Variants in DAB1 observed in about 807,000 individuals in gnomAD.
DAB1 encodes the protein DAB adaptor protein 1.
Under a neutral mutation model 64.6 loss-of-function variants are expected in DAB1, and 15 were observed. The ratio of observed to expected loss-of-function variants is 0.23; its 90% CI spans 0.16 to 0.36. The LOEUF is 0.36. Ranked by LOEUF, DAB1 falls within the 10% of genes least tolerant of loss-of-function variation. The probability of loss-of-function intolerance (pLI) is 1.00; values close to 1 mark genes in which losing one functional copy is unlikely to be tolerated. For synonymous variants in DAB1, 235 were observed against 251.9 expected (o/e 0.93, Z 0.64); for missense variants, 596 against 706.7 (o/e 0.84, Z 1.78).
intron 6 of DAB1, among the ~76,000 whole-genome samples, chr1:57,780,298 TC>T (rs1650003308): frequency 6.6e-6 from 1 of 152,124 alleles, no homozygotes; most frequent in Non-Finnish European, 1.5e-5. Flanking sequence ...TATAAAGTTA[TC>T]CTCAGGAGAT....
intron 2 of DAB1, among the ~76,000 whole-genome samples, chr1:57,225,479 C>T (rs1667192859): frequency 6.6e-6 from 1 of 152,186 alleles, no homozygotes; most frequent in African/African-American, 2.4e-5. Context: ...ACCACCCACC[C>T]ATGCCACCAA....
At chr1:58,294,128 C>T (rs1006708647) in intron 4 of DAB1, among the ~76,000 whole-genome samples, 4 of 152,032 alleles carry the variant, frequency 2.6e-5, no homozygotes, top group South Asian at 2.1e-4. Context: ...CTCAAGCAAC[C>T]GACAGCTTCC....
At chr1:57,469,255 A>G (rs1388161761) in intron 7 of DAB1, among the ~76,000 whole-genome samples, 1 of 152,212 alleles carries the variant, frequency 6.6e-6, no homozygotes, top group Non-Finnish European at 1.5e-5. Flanking sequence ...TAAGGAAACA[A>G]TTAACATATG....
intron 1 of DAB1, among the ~76,000 whole-genome samples, chr1:57,391,318 T>A (rs1349564392): frequency 1.3e-5 from 2 of 152,198 alleles, no homozygotes; most frequent in Admixed American, 1.3e-4. Flanking sequence ...CATCTGTTAC[T>A]TCTTCATGAT....
At chr1:57,322,280 A>G (rs1675787380) in intron 1 of DAB1, among the ~76,000 whole-genome samples, 2 of 152,184 alleles carry the variant, frequency 1.3e-5, no homozygotes, top group African/African-American at 4.8e-5. Context: ...AGTACAAATA[A>G]ACTTTGCACT....
chr1:57,354,553 G>A (rs896603305), intron 1 of DAB1, among the ~76,000 whole-genome samples: 5 of 152,052 alleles, frequency 3.3e-5, no homozygotes, highest in South Asian at 2.1e-4. Flanking sequence ...TAGGATGTAC[G>A]CTATACACTT....
At chr1:57,905,687 G>C (rs1644539834) in intron 5 of DAB1, among the ~76,000 whole-genome samples, 1 of 152,170 alleles carries the variant, frequency 6.6e-6, no homozygotes, top group African/African-American at 2.4e-5. Context: ...CCACCATGAA[G>C]TGAGTGTAGG....
chr1:58,300,808 A>C lies in DAB1; in HGVS notation n.309+42544T>G, dbSNP rs960507731. ...AGAACCAATGCATACAGTTCTGCAC[A>C]TTGTGCTGTGTGCTGAGTGGGGGCA... On this transcript the variant is annotated intron_variant and non_coding_transcript_variant, in intron 4 of 20. Coordinates refer to the DAB1 transcript ENST00000485760. 1.2e-4 allele frequency among the ~76,000 whole-genome samples: 18 copies of C among 152,188 alleles called. 1 individual carries two copies. The South Asian group carries it at 2.3e-3, about 19-fold the overall frequency.
intron 6 of DAB1, among the ~76,000 whole-genome samples, chr1:57,764,612 T>G (rs1220884145): frequency 6.6e-6 from 1 of 152,196 alleles, no homozygotes; most frequent in Non-Finnish European, 1.5e-5. Flanking sequence ...TCTAGTATAC[T>G]CTGTTCTACT....
At chr1:57,234,190 C>T (rs1246937882) in intron 2 of DAB1, among the ~76,000 whole-genome samples, 3 of 152,058 alleles carry the variant, frequency 2.0e-5, no homozygotes, top group Non-Finnish European at 4.4e-5. Context: ...TAATACTACA[C>T]GAGTGTACTT....
At position 58,300,646 on chromosome 1, in the gene DAB1, GAGGAAGGAAGGAAGGA is replaced by G. The variant is rs750819465; in HGVS notation, n.309+42690_309+42705del. On this transcript the variant is annotated intron_variant and non_coding_transcript_variant, in intron 4 of 20. Coordinates refer to the DAB1 transcript ENST00000485760. ...AGAGAGAGAGAGAGAGAGAGAGAGA[GAGGAAGGAAGGAAGGA>G]AGGAAGGAAGGAAGGAAGGAAGGAA... 2.4e-3 allele frequency among the ~76,000 whole-genome samples: 140 copies of G among 57,258 alleles called. 2 individuals carry two copies. The highest frequency in any genetic ancestry group is 6.2e-3 in the African/African-American group (93 of 14,908). The allele number at this position is 57,258 out of a possible 152,430, so 37.6% of individuals were successfully genotyped here. A position where few individuals can be genotyped will look rare whatever the true frequency, so the allele number is the denominator to read the frequency against.
At chr1:57,043,244 C>G (rs1302308762) in intron 9 of DAB1, among the ~76,000 whole-genome samples, 2 of 152,184 alleles carry the variant, frequency 1.3e-5, no homozygotes, top group African/African-American at 4.8e-5. Context: ...TTTTCAGCCT[C>G]TCAAACTTAA....
chr1:58,195,377 G>A (rs1336544919), intron 4 of DAB1, among the ~76,000 whole-genome samples: 1 of 152,078 alleles, frequency 6.6e-6, no homozygotes, highest in Non-Finnish European at 1.5e-5. Context: ...TGCAGAGATG[G>A]GTACAATGAG....
chr1:58,074,564 G>GTGTGTGTATATATATATATATATA (rs1332531604), intron 5 of DAB1: 82 of 91,580 alleles, frequency 9.0e-4, no homozygotes, highest in Admixed American at 1.0e-3. Flanking sequence ...ATATATGTGT[G>GTGTGTGTATATATATATATATATA]TATATATATA....
chr1:58,215,485 C>T (rs1358823880), intron 4 of DAB1, among the ~76,000 whole-genome samples: 3 of 151,776 alleles, frequency 2.0e-5, no homozygotes, highest in Non-Finnish European at 4.4e-5. Context: ...TGTCTCTCCT[C>T]ATTAGATTGT....
At chr1:57,566,584 T>C (rs1645124635) in intron 7 of DAB1, among the ~76,000 whole-genome samples, 1 of 152,008 alleles carries the variant, frequency 6.6e-6, no homozygotes. Context: ...TAAAAAATGA[T>C]AAAGGGGATA....
At chr1:57,558,505 T>C (rs1008078425) in intron 7 of DAB1, among the ~76,000 whole-genome samples, 1 of 152,178 alleles carries the variant, frequency 6.6e-6, no homozygotes, top group Admixed American at 6.5e-5. Flanking sequence ...AACAGAAATC[T>C]GGAAAATAGT....
chr1:57,087,848 C>T lies in DAB1; in HGVS notation c.307-15434G>A, dbSNP rs946155023. On this transcript the variant is annotated intron_variant, in intron 4 of 14. Transcript: ENST00000371236. Reference sequence around the variant, plus strand: ...TCTAGCCACCTATCTTTAACCTGTCCGGGCTTCCACTGATGAATCTGTGCA... The same window carrying T: ...TCTAGCCACCTATCTTTAACCTGTCTGGGCTTCCACTGATGAATCTGTGCA... 3.4e-4 allele frequency among the ~76,000 whole-genome samples: 51 copies of T among 152,238 alleles called. 1 individual carries two copies. The highest frequency in any genetic ancestry group is 1.1e-3 in the African/African-American group (47 of 41,550).
At chr1:57,754,431 A>G (rs11800202) in intron 6 of DAB1, among the ~76,000 whole-genome samples, 2,081 of 152,278 alleles carry the variant, frequency 0.014, 63 homozygotes, top group African/African-American at 0.048. Context: ...CATGCTTGTA[A>G]TCCCAGCACT....
Sources: allele counts gnomAD v4.1 joint callset (sites outside exome capture counted in the v4.1 genomes callset), GRCh38; gene constraint gnomAD v4.1.1; transcripts MANE v1.5; gene names NCBI Gene and HGNC (gene_info 2026-07-23, HGNC 2026-07-21).